Variants in USH2A observed in about 807,000 individuals in gnomAD.
USH2A encodes Usher syndrome 2A (autosomal recessive, mild).
In USH2A, 443 loss-of-function variants were observed where a neutral mutation model predicts 538.9. That is an observed-to-expected ratio of 0.82 (90% confidence interval 0.76 to 0.89). USH2A has a LOEUF of 0.89. Among genes scored for constraint, USH2A ranks in the 40% least tolerant of loss-of-function variants. The pLI is 0.00. For missense variants in USH2A, 6,633 were observed against 6,324.8 expected, an observed-to-expected ratio of 1.05 and a Z score of -1.65; for synonymous variants, 2,413 against 2,273.5, an observed-to-expected ratio of 1.06 and a Z score of -1.75.
intron 4 of USH2A, among the ~76,000 whole-genome samples, chr1:216,351,895 C>CT (rs1316183724): frequency 4.0e-5 from 6 of 151,878 alleles, no homozygotes; most frequent in Admixed American, 1.3e-4. Flanking sequence ...GACTCCAAAT[C>CT]TTTTTCTCTG....
chr1:216,339,271 T>C (rs900123541), intron 4 of USH2A, among the ~76,000 whole-genome samples: 8 of 151,670 alleles, frequency 5.3e-5, no homozygotes, highest in African/African-American at 1.9e-4. Context: ...TTTTTATATA[T>C]GTGCATATAT....
At chr1:215,701,449 G>A (rs1013042803) in intron 61 of USH2A, among the ~76,000 whole-genome samples, 4 of 152,168 alleles carry the variant, frequency 2.6e-5, no homozygotes, top group Non-Finnish European at 5.9e-5. Context: ...TTCTGTGGGA[G>A]TTTAAGTCTC....
intron 61 of USH2A, among the ~76,000 whole-genome samples, chr1:215,708,282 A>G (rs2102695756): frequency 6.6e-6 from 1 of 152,232 alleles, no homozygotes; most frequent in Non-Finnish European, 1.5e-5. Flanking sequence ...AAGAGCTTCA[A>G]GAGGGAAGCA....
In USH2A at chr1:215,838,103, C is replaced by T. The variant is rs200382994; in HGVS notation, c.9259G>A (p.Val3087Ile). 3.7e-5 allele frequency: 60 copies of T among 1,612,040 alleles called. No homozygotes were observed. The East Asian group carries it at 1.2e-3, about 34-fold the overall frequency. The change falls in exon 47 of 72, where the codon GTT (valine) becomes ATT (isoleucine). Residue 3087 changes from valine (V) to isoleucine (I), a missense_variant and splice_region_variant. Transcript: ENST00000307340. ...CAGGCATATATTGTGCAGACTTCAACCTGCAAACATTAGTTTAGAAAAAAT... is the reference window on the plus strand; with the variant it reads ...CAGGCATATATTGTGCAGACTTCAATCTGCAAACATTAGTTTAGAAAAAAT... Reference protein sequence around the residue: ...LSPFTIYDIQVEVCTIYACVK... With the variant: ...LSPFTIYDIQIEVCTIYACVK...
chr1:216,012,648 C>T (rs559309306), intron 32 of USH2A, among the ~76,000 whole-genome samples: 76 of 152,172 alleles, frequency 5.0e-4, no homozygotes, highest in African/African-American at 1.8e-3. Context: ...CCTTACGGTC[C>T]TCCGTCTTCA....
intron 21 of USH2A, among the ~76,000 whole-genome samples, chr1:216,149,112 A>G (rs1413287759): frequency 1.3e-5 from 2 of 152,064 alleles, no homozygotes; most frequent in Non-Finnish European, 2.9e-5. Flanking sequence ...TTTTTACACA[A>G]GAGCCAAGAC....
intron 41 of USH2A, 148 bp downstream of exon 41, chr1:215,888,278 T>G (rs1665115753): frequency 2.6e-6 from 3 of 1,157,530 alleles, no homozygotes; most frequent in South Asian, 1.4e-5. Flanking sequence ...TAAGATAGTT[T>G]GGGCCAAAGG....
rs1558249837 is a variant in USH2A at position 216,083,508 on chromosome 1, A to G, written c.5246T>C (p.Leu1749Ser). 3 of 1,612,566 alleles carry G rather than the reference A, an allele frequency of 1.9e-6. No homozygotes were observed. Among genetic ancestry groups the G allele is most frequent in the Non-Finnish European group, 1.7e-6 (2 of 1,179,240 alleles). ...ATAAACGAAAAGAAGCAATCCATTT[A>G]ATTGGTCAGTTCTGAACTTAAAGGA... ...EISFKFRTDQ[L>S]NGLLLFVYNK... The change falls in exon 26 of 72, where the codon TTA becomes TCA. Residue 1749 changes from leucine to serine, a missense_variant. Physicochemically the swap from Leu to Ser is moderately radical, Grantham distance 145. Transcript: ENST00000307340.
intron 61 of USH2A, among the ~76,000 whole-genome samples, chr1:215,687,669 T>C (rs1658476081): frequency 2.0e-5 from 3 of 152,138 alleles, no homozygotes; most frequent in Admixed American, 6.6e-5. Flanking sequence ...TAAAAAGCAG[T>C]ACTTCTGATC....
At chr1:215,656,055 C>T (rs189294442) in intron 64 of USH2A, among the ~76,000 whole-genome samples, 6 of 152,262 alleles carry the variant, frequency 3.9e-5, no homozygotes, top group Non-Finnish European at 7.4e-5. Flanking sequence ...TTTTTTAGCA[C>T]AATTTCCACA....
At chr1:216,207,028 C>A (rs992217499) in intron 16 of USH2A, among the ~76,000 whole-genome samples, 1 of 152,048 alleles carries the variant, frequency 6.6e-6, no homozygotes, top group East Asian at 1.9e-4. Flanking sequence ...CCCATCAATT[C>A]TTGATGGGGT....
chr1:215,965,166 G>A (rs1667307050), intron 37 of USH2A, 151 bp downstream of exon 37: 1 of 827,832 alleles, frequency 1.2e-6, no homozygotes, highest in Non-Finnish European at 1.8e-6. Context: ...AGAACCGTCG[G>A]GCAGTAGCTT....
In USH2A at chr1:216,247,189, A is replaced by G; in HGVS notation, c.2205T>C (p.Phe735=). 1 of 1,614,040 alleles carries G rather than the reference A, an allele frequency of 6.2e-7. No homozygotes were observed. The highest frequency in any genetic ancestry group is 8.5e-7 in the Non-Finnish European group (1 of 1,179,926). ...RCDHCNFGFK[F]LRSFNDVGCE... is the part of the protein sequence containing the mutation. ...ATCCAACATCATTAAAGCTTCGGAG[A>G]AATTTAAATCCAAAATTGCAATGAT... The change falls in exon 13 of 72, where the codon TTT becomes TTC. Residue 735 remains phenylalanine, a synonymous_variant. Transcript: ENST00000307340.
chr1:215,908,225 C>T (rs928665583), intron 38 of USH2A, among the ~76,000 whole-genome samples: 8 of 151,876 alleles, frequency 5.3e-5, no homozygotes, highest in African/African-American at 1.7e-4. Flanking sequence ...GTTCATCTCC[C>T]AAAACCCCAT....
intron 9 of USH2A, among the ~76,000 whole-genome samples, chr1:216,312,142 T>A (rs1201339978): frequency 6.6e-6 from 1 of 151,910 alleles, no homozygotes; most frequent in Non-Finnish European, 1.5e-5. Flanking sequence ...TTTTAAAGGA[T>A]AATTTTGCAA....
rs2037765227 is a variant in USH2A at position 216,327,771 on chromosome 1, T to C, written c.785-117A>G. On this transcript the variant is annotated intron_variant, in intron 4 of 71. Coordinates refer to ENST00000307340, the MANE Select transcript of USH2A (RefSeq NM_206933.4). ...AAGGTTAAAAAGATATTTATGTCAC[T>C]GCCCTTTGAAACTTTTACAGATCAA... 1.2e-5 allele frequency: 15 copies of C among 1,266,884 alleles called. No homozygotes were observed. In the South Asian group the frequency reaches 1.6e-4, roughly 13 times the overall value. 78.5% of individuals were successfully genotyped at this position (1,266,884 alleles called of 1,614,324 possible). A position where few individuals can be genotyped will look rare whatever the true frequency, so the allele number is the denominator to read the frequency against.
chr1:216,145,226 A>G (rs1481478299), intron 21 of USH2A, among the ~76,000 whole-genome samples: 2 of 152,178 alleles, frequency 1.3e-5, no homozygotes, highest in Non-Finnish European at 2.9e-5. Flanking sequence ...CCAATTCCAA[A>G]TTCTCATGCG....
chr1:216,251,443 T>TTC (rs1491584447), intron 11 of USH2A, among the ~76,000 whole-genome samples: 25 of 24,916 alleles, frequency 1.0e-3, no homozygotes, highest in African/African-American at 1.9e-3. Context: ...CCACTTCCCC[T>TTC]TTTTTTTTTT....
At chr1:215,660,476 T>C (rs1022454864) in intron 64 of USH2A, among the ~76,000 whole-genome samples, 6 of 152,130 alleles carry the variant, frequency 3.9e-5, no homozygotes, top group Non-Finnish European at 5.9e-5. Flanking sequence ...ATTAATAAGA[T>C]TGGAAAACTC....
Sources: gnomAD v4.1 joint callset for allele counts (sites outside exome capture counted in the v4.1 genomes callset) on GRCh38, gnomAD v4.1.1 for gene constraint, MANE v1.5 for transcripts, NCBI Gene and HGNC (gene_info 2026-07-23, HGNC 2026-07-21) for gene names.